RP1: variants seen among roughly 807,000 people sequenced by gnomAD.
RP1 encodes the protein oxygen-regulated protein 1.
In RP1, 16 loss-of-function variants were observed where a neutral mutation model predicts 14.8. The observed-to-expected ratio is 1.08, with a 90% CI of 0.73 to 1.65. The LOEUF (loss-of-function observed/expected upper bound fraction) is 1.65, where lower values mean the gene tolerates loss of function less well. Among genes scored for constraint, RP1 ranks in the 40% most tolerant of loss-of-function variants. The pLI, the probability that RP1 is intolerant of heterozygous loss-of-function variation, is 0.00. For missense variants in RP1, 2,631 were observed against 2,535.0 expected, an observed-to-expected ratio of 1.04 and a Z score of -0.81; for synonymous variants, 876 against 883.6, an observed-to-expected ratio of 0.99 and a Z score of 0.15.
At chr8:54,608,500 A>G (rs1415955887) in intron 1 of RP1, among the ~76,000 whole-genome samples, 1 of 152,128 alleles carries the variant, frequency 6.6e-6, no homozygotes, top group African/African-American at 2.4e-5. Flanking sequence ...ATGGTTTTGC[A>G]TATACACTGA....
In RP1 at chr8:54,598,770, C is replaced by T. The variant is rs188421403; in HGVS notation, c.-12-22185C>T. On this transcript the variant is annotated intron_variant, in intron 1 of 22. Coordinates refer to the RP1 transcript ENST00000636932. Reference sequence around the variant, plus strand: ...GGTTGACAGCTCTTTTACTGTAGCACTTAGAAAATGGTTGCAATATCCTTC... The same window carrying T: ...GGTTGACAGCTCTTTTACTGTAGCATTTAGAAAATGGTTGCAATATCCTTC... Among the ~76,000 whole-genome samples, 463 of 152,328 alleles carry T rather than the reference C, an allele frequency of 3.0e-3. 8 individuals carry two copies. The highest frequency in any genetic ancestry group is 0.011 in the African/African-American group (440 of 41,576).
At chr8:54,623,747 A>G (rs977191585) in intron 3 of RP1, among the ~76,000 whole-genome samples, 1 of 152,242 alleles carries the variant, frequency 6.6e-6, no homozygotes, top group Non-Finnish European at 1.5e-5. Flanking sequence ...TACAAAGTGC[A>G]TGCTAAATAA....
chr8:54,580,725 T>TCTGC (rs1804770709), intron 1 of RP1, among the ~76,000 whole-genome samples: 1 of 151,730 alleles, frequency 6.6e-6, no homozygotes, highest in East Asian at 1.9e-4. Context: ...TTCAAGTGAT[T>TCTGC]CTCCTGCCCC....
intron 24 of RP1, among the ~76,000 whole-genome samples, chr8:54,836,859 A>AT (rs1811668667): frequency 1.5e-5 from 2 of 136,690 alleles, no homozygotes; most frequent in Non-Finnish European, 3.3e-5. Flanking sequence ...ATAATTGATC[A>AT]ATTTTTTTTC....
chr8:54,611,043 A>T (rs762469622), intron 1 of RP1, among the ~76,000 whole-genome samples: 1 of 152,150 alleles, frequency 6.6e-6, no homozygotes, highest in Non-Finnish European at 1.5e-5. Flanking sequence ...TCCCTTCAGC[A>T]CTTTGAATAT....
chr8:54,853,786 A>AAGAAAGAGAGAG (rs1428017720), intron 26 of RP1, among the ~76,000 whole-genome samples: 1,464 of 119,146 alleles, frequency 0.012, 41 homozygotes, highest in African/African-American at 0.048. Context: ...AAGGAAGAGA[A>AAGAAAGAGAGAG]AGAAAGAGAG....
intron 1 of RP1, among the ~76,000 whole-genome samples, chr8:54,579,608 T>A (rs1310178747): frequency 6.6e-6 from 1 of 152,172 alleles, no homozygotes; most frequent in Non-Finnish European, 1.5e-5. Context: ...ATCCTGTAAG[T>A]CTGTTCTGAT....
chr8:54,653,434 T>C (rs1806695307), intron 5 of RP1, among the ~76,000 whole-genome samples: 1 of 152,236 alleles, frequency 6.6e-6, no homozygotes, highest in African/African-American at 2.4e-5. Context: ...ATGGTGTATT[T>C]ACACCTTCTG....
intron 24 of RP1, among the ~76,000 whole-genome samples, chr8:54,805,994 G>A (rs1810841765): frequency 6.6e-6 from 1 of 151,744 alleles, no homozygotes; most frequent in Non-Finnish European, 1.5e-5. Context: ...TTTATTGTCA[G>A]TGGTGTTTTT....
chr8:54,572,506 A>G (rs745908405), intron 1 of RP1, among the ~76,000 whole-genome samples: 7 of 152,258 alleles, frequency 4.6e-5, no homozygotes, highest in Non-Finnish European at 8.8e-5. Context: ...GGGATTAGGT[A>G]ACCTCTGAAG....
At chr8:54,783,075 G>A (rs1458990756) in intron 23 of RP1, among the ~76,000 whole-genome samples, 1 of 151,950 alleles carries the variant, frequency 6.6e-6, no homozygotes, top group Non-Finnish European at 1.5e-5. Context: ...TTTTTGCCTT[G>A]TTTTTATATC....
intron 28 of RP1, among the ~76,000 whole-genome samples, chr8:54,867,950 C>A (rs189007224): frequency 6.6e-6 from 1 of 152,244 alleles, no homozygotes; most frequent in African/African-American, 2.4e-5. Flanking sequence ...AGTATATATA[C>A]AACATTTGGT....
chr8:54,691,901 C>G (rs1232159668), intron 12 of RP1, among the ~76,000 whole-genome samples: 1 of 151,684 alleles, frequency 6.6e-6, no homozygotes, highest in Non-Finnish European at 1.5e-5. Context: ...GTGCCATGTT[C>G]GTGTACAGCA....
chr8:54,731,918 A>T (rs1808804021), intron 17 of RP1, among the ~76,000 whole-genome samples: 1 of 152,144 alleles, frequency 6.6e-6, no homozygotes, highest in Non-Finnish European at 1.5e-5. Context: ...TCCCTGCTAC[A>T]GTTCACCCTG....
At chr8:54,853,639 A>T (rs1043917037) in intron 26 of RP1, among the ~76,000 whole-genome samples, 1 of 152,052 alleles carries the variant, frequency 6.6e-6, no homozygotes, top group Non-Finnish European at 1.5e-5. Context: ...ATAAAATATT[A>T]TTGGAAAAAA....
At chr8:54,579,646 G>C (rs746889038) in intron 1 of RP1, among the ~76,000 whole-genome samples, 1 of 152,154 alleles carries the variant, frequency 6.6e-6, no homozygotes, top group Non-Finnish European at 1.5e-5. Flanking sequence ...AATGGGTCCA[G>C]CATCTTTGAA....
chr8:54,687,677 A>C (rs1055885777), intron 12 of RP1, among the ~76,000 whole-genome samples: 1 of 152,170 alleles, frequency 6.6e-6, no homozygotes, highest in Non-Finnish European at 1.5e-5. Flanking sequence ...TCCATGGTGT[A>C]TATACGCCAC....
chr8:54,615,657 A>G (rs1378606485), upstream of RP1, among the ~76,000 whole-genome samples: 1 of 152,230 alleles, frequency 6.6e-6, no homozygotes, highest in African/African-American at 2.4e-5. Context: ...TCAGAATTAC[A>G]TCAATGAGGT....
chr8:54,854,897 GC>G (rs1349122000), intron 26 of RP1, among the ~76,000 whole-genome samples: 1 of 152,030 alleles, frequency 6.6e-6, no homozygotes, highest in Admixed American at 6.6e-5. Flanking sequence ...ATTAATTGTG[GC>G]AAAATACACA....
Sources: gnomAD v4.1 joint callset for allele counts (sites outside exome capture counted in the v4.1 genomes callset) on GRCh38, gnomAD v4.1.1 for gene constraint, MANE v1.5 for transcripts, NCBI Gene and HGNC (gene_info 2026-07-23, HGNC 2026-07-21) for gene names.